The following JPH1 variants were observed in gnomAD, a reference collection of about 807,000 sequenced individuals.
JPH1 encodes junctophilin 1.
In JPH1, 12 loss-of-function variants were observed where a neutral mutation model predicts 53.6. The ratio of observed to expected loss-of-function variants is 0.22; its 90% CI spans 0.14 to 0.36. The LOEUF (loss-of-function observed/expected upper bound fraction) is 0.36. Among genes scored for constraint, JPH1 ranks in the 10% least tolerant of loss-of-function variants. The pLI is 1.00. For missense variants in JPH1, 808 were observed against 905.5 expected, an observed-to-expected ratio of 0.89 and a Z score of 1.38; for synonymous variants, 375 against 363.8, an observed-to-expected ratio of 1.03 and a Z score of -0.35.
intron 2 of JPH1, among the ~76,000 whole-genome samples, chr8:74,295,403 G>C (rs916553437): frequency 6.6e-6 from 1 of 152,134 alleles, no homozygotes; most frequent in African/African-American, 2.4e-5. Context: ...TCTCAGCCCA[G>C]AACACTCTGA....
chr8:74,298,702 A>G (rs542074213), intron 2 of JPH1, among the ~76,000 whole-genome samples: 125 of 152,350 alleles, frequency 8.2e-4, no homozygotes, highest in African/African-American at 2.9e-3. Context: ...GCTACAGGGT[A>G]CAAATCTGAC....
chr8:74,315,439 G>A lies in JPH1; in HGVS notation c.561C>T (p.Ala187=), dbSNP rs779311190. The A allele has an allele frequency of 6.2e-7, 1 of 1,610,820 alleles. No individual in the cohort carries two copies. Among genetic ancestry groups the A allele is most frequent in the East Asian group, 2.2e-5 (1 of 44,804 alleles). ...HDAAAAADSP[A]GTRGGFVLNF... ...TGAGCACGAAACCGCCGCGGGTGCCGGCCGGGCTGTCGGCGGCGGCTGCGG... is the reference window on the plus strand; with the variant it reads ...TGAGCACGAAACCGCCGCGGGTGCCAGCCGGGCTGTCGGCGGCGGCTGCGG... The change falls in exon 2 of 6, where the codon GCC becomes GCT. Residue 187 remains alanine (A), a synonymous_variant. Coordinates refer to ENST00000342232, the MANE Select transcript of JPH1 (RefSeq NM_020647.4). The surrounding 1 kb of genome is among the most constrained non-coding windows in gnomAD (Gnocchi z 6.3).
intron 2 of JPH1, among the ~76,000 whole-genome samples, chr8:74,280,311 C>A (rs1029053832): frequency 6.6e-6 from 1 of 152,100 alleles, no homozygotes. Flanking sequence ...ATGGACTGGG[C>A]AAAAGGTATC....
intron 1 of JPH1, among the ~76,000 whole-genome samples, chr8:74,317,885 C>T (rs2131468969): frequency 6.6e-6 from 1 of 152,198 alleles, no homozygotes; most frequent in East Asian, 1.9e-4. Context: ...CTTGAAAATC[C>T]AAGCTGTTTA....
At chr8:74,284,484 G>T (rs551198861) in intron 2 of JPH1, among the ~76,000 whole-genome samples, 1 of 151,934 alleles carries the variant, frequency 6.6e-6, no homozygotes, top group Admixed American at 6.6e-5. Flanking sequence ...ACCGGTGCAC[G>T]GTGACAACTG....
intron 2 of JPH1, among the ~76,000 whole-genome samples, chr8:74,271,105 C>T (rs889939438): frequency 6.6e-6 from 1 of 152,026 alleles, no homozygotes; most frequent in Non-Finnish European, 1.5e-5. Flanking sequence ...GTTGCACATC[C>T]CCCAAACAAG....
rs946776613 is a variant in JPH1, at chr8:74,320,651, C to A, written c.379+258G>T. ...GCGCAGCGCTGGCGCCGGCCAGGTA[C>A]ATTCACGCCTAGCTCCCCTGAGTGT... On this transcript the variant is annotated intron_variant, in intron 1 of 5. Coordinates refer to ENST00000342232, the MANE Select transcript of JPH1 (RefSeq NM_020647.4). The surrounding 1 kb of genome is among the most constrained non-coding windows in gnomAD (Gnocchi z 4.4). 2.0e-5 allele frequency among the ~76,000 whole-genome samples: 3 copies of A among 152,170 alleles called. No individual in the cohort carries two copies. The highest frequency in any genetic ancestry group is 7.2e-5 in the African/African-American group (3 of 41,460).
rs776471274 is a variant in JPH1 at position 74,244,520 on chromosome 8, A to G, written c.1905+9T>C. On this transcript the variant is annotated intron_variant, in intron 4 of 5. Transcript: ENST00000342232. ...GAAAGAAAGAGAAAACGCTACTTGCAGTACTTACTGAATTGGCTTCTTTTT... is the reference window on the plus strand; with the variant it reads ...GAAAGAAAGAGAAAACGCTACTTGCGGTACTTACTGAATTGGCTTCTTTTT... 6.3e-7 allele frequency: 1 copy of G among 1,592,070 alleles called. No individual in the cohort carries two copies. Among genetic ancestry groups the G allele is most frequent in the Non-Finnish European group, 8.5e-7 (1 of 1,171,076 alleles).
At chr8:74,249,215 A>C (rs144231775) in intron 3 of JPH1, among the ~76,000 whole-genome samples, 1 of 152,218 alleles carries the variant, frequency 6.6e-6, no homozygotes, top group Non-Finnish European at 1.5e-5. Flanking sequence ...AAGCACCATA[A>C]AGATTCCCCA....
At chr8:74,284,830 T>C (rs1255833790) in intron 2 of JPH1, among the ~76,000 whole-genome samples, 1 of 107,828 alleles carries the variant, frequency 9.3e-6, no homozygotes, top group Non-Finnish European at 1.8e-5. Flanking sequence ...TCTTTCTTTC[T>C]TTTTTTTTTT....
intron 2 of JPH1, among the ~76,000 whole-genome samples, chr8:74,268,703 G>C (rs1049241972): frequency 7.9e-5 from 12 of 152,248 alleles, no homozygotes; most frequent in East Asian, 3.9e-4. Context: ...TGTCAATGCT[G>C]TTTTTGTTCA....
rs1339674212 is a variant in JPH1 at position 74,255,561 on chromosome 8, C to A, written c.1258+3824G>T. ...TTGACAAATGGGATCTAATTAAACTCAAGAGCTTCTGCACAGCAAAATAAA... is the reference window on the plus strand; with the variant it reads ...TTGACAAATGGGATCTAATTAAACTAAAGAGCTTCTGCACAGCAAAATAAA... On this transcript the variant is annotated intron_variant, in intron 3 of 5. Coordinates refer to ENST00000342232, the MANE Select transcript of JPH1 (RefSeq NM_020647.4). Among the ~76,000 whole-genome samples, 6 of 152,136 alleles carry A rather than the reference C, an allele frequency of 3.9e-5. 1 individual carries two copies. The highest frequency in any genetic ancestry group is 1.9e-4 in the East Asian group (1 of 5,182).
chr8:74,265,790 T>C (rs1385313048), intron 2 of JPH1, among the ~76,000 whole-genome samples: 1 of 151,898 alleles, frequency 6.6e-6, no homozygotes, highest in Non-Finnish European at 1.5e-5. Context: ...AACAACCTGA[T>C]TGAAAAATGG....
chr8:74,310,574 T>C (rs557251071), intron 2 of JPH1, among the ~76,000 whole-genome samples: 141 of 152,304 alleles, frequency 9.3e-4, no homozygotes, highest in Non-Finnish European at 1.7e-3. Flanking sequence ...TCTGTCGGAA[T>C]TATACAGGGG....
chr8:74,255,919 T>C (rs968562436), intron 3 of JPH1, among the ~76,000 whole-genome samples: 57 of 152,076 alleles, frequency 3.7e-4, no homozygotes, highest in African/African-American at 1.3e-3. Context: ...TGTGGAGAAA[T>C]AGGAATACTT....
At chr8:74,318,162 C>G (rs1808214788) in intron 1 of JPH1, among the ~76,000 whole-genome samples, 1 of 152,190 alleles carries the variant, frequency 6.6e-6, no homozygotes, top group Non-Finnish European at 1.5e-5. Context: ...CTTCTCCCTG[C>G]TGCTCAAATA....
chr8:74,275,528 G>A (rs997970667), intron 2 of JPH1, among the ~76,000 whole-genome samples: 1 of 152,092 alleles, frequency 6.6e-6, no homozygotes, highest in African/African-American at 2.4e-5. Flanking sequence ...ATTACCTAAG[G>A]TCTTCTTAGT....
intron 2 of JPH1, among the ~76,000 whole-genome samples, chr8:74,297,262 G>T (rs1341332439): frequency 6.6e-6 from 1 of 152,212 alleles, no homozygotes. Context: ...TCTCAAGCAG[G>T]GACTTGCCAT....
intron 2 of JPH1, among the ~76,000 whole-genome samples, chr8:74,281,476 C>T (rs529504088): frequency 6.6e-6 from 1 of 152,288 alleles, no homozygotes; most frequent in African/African-American, 2.4e-5. Context: ...TTGGACAGAC[C>T]TAGCCTTAGT....
Sources: gnomAD v4.1 joint callset for allele counts (sites outside exome capture counted in the v4.1 genomes callset) on GRCh38, gnomAD v4.1.1 for gene constraint, Gnocchi (gnomAD v3.1) non-coding constraint, MANE v1.5 for transcripts, NCBI Gene and HGNC (gene_info 2026-07-23, HGNC 2026-07-21) for gene names.